ATL2: variants seen among roughly 807,000 people sequenced by gnomAD.
ATL2 encodes atlastin GTPase 2, also known as atlastin-2.
ATL2 carries 31 observed loss-of-function variants against 73.9 expected under a neutral mutation model. That is an observed-to-expected ratio of 0.42 (90% CI 0.32 to 0.57). The LOEUF (loss-of-function observed/expected upper bound fraction) is 0.57, where lower values mean the gene tolerates loss of function less well. ATL2 is among the 20% of genes least tolerant of loss of function. The pLI, the probability that ATL2 is intolerant of heterozygous loss-of-function variation, is 0.14. For missense variants in ATL2, 738 were observed against 702.6 expected (o/e 1.05, Z -0.57); for synonymous variants, 291 against 237.5 (o/e 1.23, Z -2.07).
intron 1 of ATL2, among the ~76,000 whole-genome samples, chr2:38,356,958 A>C (rs1399903600): frequency 6.6e-6 from 1 of 152,196 alleles, no homozygotes; most frequent in Non-Finnish European, 1.5e-5. Context: ...AGGTTTTTTA[A>C]TTCAAAAAAC....
At chr2:38,308,667 AATATGATTATTAGAC>A (rs1667583391) in intron 9 of ATL2, among the ~76,000 whole-genome samples, 1 of 152,120 alleles carries the variant, frequency 6.6e-6, no homozygotes, top group South Asian at 2.1e-4. Context: ...TATTTACTCT[AATATGATTATTAGAC>A]ATTGTATGCC....
At chr2:38,363,357 TTTA>T (rs1191273263) in intron 1 of ATL2, among the ~76,000 whole-genome samples, 1 of 138,474 alleles carries the variant, frequency 7.2e-6, no homozygotes, top group African/African-American at 2.7e-5. Context: ...ATACAAGTTG[TTTA>T]TTAAAAAGGT....
intron 1 of ATL2, among the ~76,000 whole-genome samples, chr2:38,370,448 C>CAAAAAAAA (rs55964015): frequency 1.1e-4 from 6 of 55,210 alleles, no homozygotes; most frequent in African/African-American, 1.4e-4. Flanking sequence ...GACTCTGTCC[C>CAAAAAAAA]AAAAAAAAAA....
chr2:38,362,525 T>A (rs866527621), intron 1 of ATL2, among the ~76,000 whole-genome samples: 9 of 152,336 alleles, frequency 5.9e-5, no homozygotes, highest in South Asian at 2.1e-4. Flanking sequence ...CAGAGTCTGA[T>A]TCAGCTGATC....
intron 2 of ATL2, 40 bp downstream of exon 2, chr2:38,343,228 T>G: frequency 2.6e-6 from 4 of 1,535,550 alleles, no homozygotes; most frequent in Non-Finnish European, 3.5e-6. Flanking sequence ...GGTTGGTACT[T>G]TTTTCTTTTT....
chr2:38,320,441 T>C (rs1048710324), intron 2 of ATL2, among the ~76,000 whole-genome samples: 4 of 152,172 alleles, frequency 2.6e-5, no homozygotes, highest in African/African-American at 9.7e-5. Flanking sequence ...GACAAATACA[T>C]TGGAGTTCAT....
chr2:38,319,873 C>T (rs1269889659), intron 2 of ATL2, among the ~76,000 whole-genome samples: 2 of 151,856 alleles, frequency 1.3e-5, no homozygotes, highest in African/African-American at 4.8e-5. Context: ...TTTGGGAGGA[C>T]GAGGCAGGTG....
chr2:38,317,382 G>A (rs1668082490), intron 4 of ATL2, among the ~76,000 whole-genome samples: 2 of 152,148 alleles, frequency 1.3e-5, no homozygotes, highest in South Asian at 4.1e-4. Context: ...AACACCAAAT[G>A]ACATGTGGTA....
intron 1 of ATL2, among the ~76,000 whole-genome samples, chr2:38,360,500 T>A (rs1670951409): frequency 6.6e-6 from 1 of 152,106 alleles, no homozygotes; most frequent in Non-Finnish European, 1.5e-5. Flanking sequence ...CAGGCTGGTC[T>A]CAAACTCCTG....
intron 1 of ATL2, among the ~76,000 whole-genome samples, chr2:38,364,605 T>C (rs1236411952): frequency 6.6e-6 from 1 of 152,248 alleles, no homozygotes; most frequent in African/African-American, 2.4e-5. Flanking sequence ...GACAATGTAC[T>C]ACATTCCTAT....
chr2:38,335,461 A>T (rs530074895), intron 2 of ATL2, among the ~76,000 whole-genome samples: 3 of 152,342 alleles, frequency 2.0e-5, no homozygotes, highest in African/African-American at 7.2e-5. Flanking sequence ...ACCAGCCTTA[A>T]TGCTTAGTGA....
chr2:38,343,226 C>A, intron 2 of ATL2, 42 bp downstream of exon 2: 4 of 1,223,934 alleles, frequency 3.3e-6, no homozygotes, highest in Admixed American at 3.1e-5. Context: ...ATGGTTGGTA[C>A]TTTTTTCTTT....
chr2:38,369,320 CAT>C (rs1354948720), intron 1 of ATL2, among the ~76,000 whole-genome samples: 2 of 151,902 alleles, frequency 1.3e-5, no homozygotes, highest in Admixed American at 1.3e-4. Flanking sequence ...CGTGGTGGCA[CAT>C]GCCTGTAATC....
chr2:38,364,916 C>T (rs536432037), intron 1 of ATL2, among the ~76,000 whole-genome samples: 2 of 151,980 alleles, frequency 1.3e-5, no homozygotes, highest in Non-Finnish European at 2.9e-5. Flanking sequence ...TGGTGGCACA[C>T]GCCTGTAGTC....
At chr2:38,305,087 A>AG (rs771757842) in intron 9 of ATL2, among the ~76,000 whole-genome samples, 3 of 152,176 alleles carry the variant, frequency 2.0e-5, no homozygotes, top group Non-Finnish European at 4.4e-5. Flanking sequence ...CCAAAAAAAA[A>AG]GAGCAGAAGA....
intron 2 of ATL2, among the ~76,000 whole-genome samples, chr2:38,342,351 A>T (rs1292847919): frequency 6.6e-6 from 1 of 152,214 alleles, no homozygotes; most frequent in Non-Finnish European, 1.5e-5. Flanking sequence ...AGTAATATCA[A>T]TAAAACATAC....
intron 1 of ATL2, among the ~76,000 whole-genome samples, chr2:38,374,219 A>G (rs1671841816): frequency 6.6e-6 from 1 of 152,182 alleles, no homozygotes; most frequent in Non-Finnish European, 1.5e-5. Flanking sequence ...GCCATAGAGA[A>G]AGCCCTCGAG....
At chr2:38,325,698 G>GAACACA in intron 2 of ATL2, among the ~76,000 whole-genome samples, 2 of 4,108 alleles carry the variant, frequency 4.9e-4, no homozygotes, top group South Asian at 0.014. Context: ...ACACACACCA[G>GAACACA]TACACACACA....
At chr2:38,296,188 AAATTC>A in intron 12 of ATL2, 75 bp from the exon 13 acceptor site, 5 of 1,459,108 alleles carry the variant, frequency 3.4e-6, no homozygotes, top group Non-Finnish European at 4.5e-6. Flanking sequence ...ATAGATATAA[AAATTC>A]AATTCAAAGC....
Sources: gnomAD v4.1 joint callset for allele counts (sites outside exome capture counted in the v4.1 genomes callset) on GRCh38, gnomAD v4.1.1 for gene constraint, MANE v1.5 for transcripts, NCBI Gene and HGNC (gene_info 2026-07-23, HGNC 2026-07-21) for gene names.